The following CTNNA3 variants were observed in gnomAD, a reference collection of about 807,000 sequenced individuals.
CTNNA3 encodes catenin alpha-3.
A neutral mutation model predicts 95.7 loss-of-function variants in CTNNA3; 76 were observed. The observed-to-expected ratio is 0.79, with a 90% CI of 0.66 to 0.96. The LOEUF is 0.96. Ranked by LOEUF, CTNNA3 falls within the 40% of genes least tolerant of loss-of-function variation. The pLI is 0.00. For missense variants in CTNNA3, 1,191 were observed against 1,089.8 expected, an observed-to-expected ratio of 1.09 and a Z score of -1.31; for synonymous variants, 431 against 374.4, an observed-to-expected ratio of 1.15 and a Z score of -1.74.
At chr10:67,316,814 T>A (rs1456315850) in intron 5 of CTNNA3, among the ~76,000 whole-genome samples, 1 of 152,206 alleles carries the variant, frequency 6.6e-6, no homozygotes, top group African/African-American at 2.4e-5. Flanking sequence ...CTTGAAAATA[T>A]AAAGTATTTT....
At chr10:67,400,368 G>T (rs184120994) in intron 5 of CTNNA3, among the ~76,000 whole-genome samples, 76 of 152,216 alleles carry the variant, frequency 5.0e-4, no homozygotes, top group African/African-American at 1.7e-3. Flanking sequence ...TGTTACAGAT[G>T]TATTATGAAA....
At chr10:66,164,819 T>C (rs1370225075) in intron 13 of CTNNA3, among the ~76,000 whole-genome samples, 1 of 152,148 alleles carries the variant, frequency 6.6e-6, no homozygotes, top group East Asian at 1.9e-4. Context: ...TCAGTATTCA[T>C]CCTTCCAACA....
intron 7 of CTNNA3, among the ~76,000 whole-genome samples, chr10:67,069,309 C>G (rs981200318): frequency 6.6e-6 from 1 of 151,888 alleles, no homozygotes; most frequent in Non-Finnish European, 1.5e-5. Context: ...TTCTTTTACC[C>G]CAATGCAGAA....
chr10:67,313,115 A>G (rs980080956), intron 5 of CTNNA3, among the ~76,000 whole-genome samples: 2 of 152,116 alleles, frequency 1.3e-5, no homozygotes, highest in African/African-American at 4.8e-5. Flanking sequence ...CCACGGCTAA[A>G]CTACTAATAA....
At chr10:66,530,938 C>T (rs755680413) in intron 10 of CTNNA3, among the ~76,000 whole-genome samples, 5 of 152,006 alleles carry the variant, frequency 3.3e-5, no homozygotes, top group South Asian at 2.1e-4. Flanking sequence ...TATAAATTTT[C>T]GTATCTCATA....
chr10:66,441,361 A>G (rs1377422953), intron 11 of CTNNA3, among the ~76,000 whole-genome samples: 16 of 152,228 alleles, frequency 1.1e-4, no homozygotes, highest in Admixed American at 1.0e-3. Flanking sequence ...TAATGCTTAA[A>G]TTGAAATATA....
chr10:67,584,509 C>T (rs570653598), intron 3 of CTNNA3, among the ~76,000 whole-genome samples: 15 of 151,060 alleles, frequency 9.9e-5, no homozygotes, highest in African/African-American at 2.4e-4. Flanking sequence ...AGGCTACTCG[C>T]GGGTCATGGA....
intron 13 of CTNNA3, among the ~76,000 whole-genome samples, chr10:66,259,962 C>A (rs1004204056): frequency 1.3e-5 from 2 of 152,016 alleles, no homozygotes; most frequent in Non-Finnish European, 2.9e-5. Context: ...TTGCTTTTTT[C>A]CTTGGCTATT....
At chr10:66,757,343 T>C (rs1025468365) in intron 9 of CTNNA3, among the ~76,000 whole-genome samples, 6 of 152,164 alleles carry the variant, frequency 3.9e-5, no homozygotes, top group African/African-American at 1.4e-4. Flanking sequence ...TCTATACTTC[T>C]ATTAGGAACT....
At chr10:66,315,508 G>C (rs1420903443) in intron 12 of CTNNA3, among the ~76,000 whole-genome samples, 2 of 110,970 alleles carry the variant, frequency 1.8e-5, no homozygotes, top group Non-Finnish European at 3.9e-5. Flanking sequence ...GACTTCTCTT[G>C]TGTGTGTGTG....
At chr10:67,332,466 G>C (rs1056705506) in intron 5 of CTNNA3, among the ~76,000 whole-genome samples, 15 of 152,258 alleles carry the variant, frequency 9.9e-5, no homozygotes, top group African/African-American at 3.6e-4. Context: ...TGTAGAGATA[G>C]ATTTCTGTAA....
At chr10:67,679,290 A>G (rs1024984296) in intron 1 of CTNNA3, among the ~76,000 whole-genome samples, 11 of 152,098 alleles carry the variant, frequency 7.2e-5, no homozygotes, top group African/African-American at 2.4e-4. Flanking sequence ...TGCCAAAAGA[A>G]CCTGCCCCCT....
intron 7 of CTNNA3, among the ~76,000 whole-genome samples, chr10:66,988,722 G>C (rs1850869626): frequency 6.6e-6 from 1 of 152,036 alleles, no homozygotes; most frequent in African/African-American, 2.4e-5. Context: ...TGAATACTAG[G>C]AACTAAAATG....
At chr10:67,157,355 T>C (rs1293864198) in intron 7 of CTNNA3, among the ~76,000 whole-genome samples, 2 of 152,194 alleles carry the variant, frequency 1.3e-5, no homozygotes, top group Non-Finnish European at 2.9e-5. Flanking sequence ...TTACTGGTCT[T>C]GTGTCATCTA....
rs137906795 is a variant in CTNNA3 at position 66,417,297 on chromosome 10, T to C, written c.1532-37945A>G. ...AAAACAGTAAACAAAGACAACTAAATAGTGATAAAAGGACCAATCTAGCAA... is the reference window on the plus strand; with the variant it reads ...AAAACAGTAAACAAAGACAACTAAACAGTGATAAAAGGACCAATCTAGCAA... On this transcript the variant is annotated intron_variant, in intron 11 of 17. Transcript: ENST00000433211. Among the ~76,000 whole-genome samples the C allele has an allele frequency of 6.6e-3, 998 of 151,970 alleles. 10 individuals carry two copies. Among genetic ancestry groups the C allele is most frequent in the Non-Finnish European group, 9.9e-3 (674 of 67,846 alleles).
chr10:66,056,360 G>C (rs942503553), intron 15 of CTNNA3, among the ~76,000 whole-genome samples: 13 of 152,160 alleles, frequency 8.5e-5, no homozygotes, highest in African/African-American at 3.1e-4. Flanking sequence ...TTGAACCACT[G>C]TTGCATTTCT....
chr10:67,353,025 C>T lies in CTNNA3; in HGVS notation c.580-133155G>A, dbSNP rs554400623. On this transcript the variant is annotated intron_variant, in intron 5 of 17. Coordinates refer to ENST00000433211, the MANE Select transcript of CTNNA3 (RefSeq NM_013266.4). ...ACCTAAGTGTCACATCTTTGAGGGCCAGCACTACGTTTCCAAAATGGGAAA... is the reference window on the plus strand; with the variant it reads ...ACCTAAGTGTCACATCTTTGAGGGCTAGCACTACGTTTCCAAAATGGGAAA... 3.3e-5 allele frequency among the ~76,000 whole-genome samples: 5 copies of T among 152,058 alleles called. 1 individual carries two copies. In the South Asian group the frequency reaches 1.0e-3, roughly 32 times the overall value.
At position 67,235,404 on chromosome 10, in the gene CTNNA3, A is replaced by G. The variant is rs1284128030; in HGVS notation, c.580-15534T>C. 1.2e-4 allele frequency among the ~76,000 whole-genome samples: 19 copies of G among 152,266 alleles called. No homozygotes were observed. The South Asian group carries it at 1.9e-3, about 15-fold the overall frequency. ...TCTTTGACAAACCTGAGAAAAACAA[A>G]CAATGGGGAAAGTATTCCCTATTTA... On this transcript the variant is annotated intron_variant, in intron 5 of 17. Transcript: ENST00000433211.
chr10:65,934,762 G>C (rs941049907), intron 17 of CTNNA3, among the ~76,000 whole-genome samples: 1 of 152,098 alleles, frequency 6.6e-6, no homozygotes, highest in Non-Finnish European at 1.5e-5. Flanking sequence ...TGGCTGCATG[G>C]AGGAACCAAA....
Sources: allele counts gnomAD v4.1 joint callset (sites outside exome capture counted in the v4.1 genomes callset), GRCh38; gene constraint gnomAD v4.1.1; transcripts MANE v1.5; gene names NCBI Gene and HGNC (gene_info 2026-07-23, HGNC 2026-07-21).